Variants in LARGE1 observed in about 807,000 individuals in gnomAD.
LARGE1 encodes the protein xylosyl- and glucuronyltransferase LARGE1.
A neutral mutation model predicts 87.6 loss-of-function variants in LARGE1; 43 were observed. That is an observed-to-expected ratio of 0.49 (90% CI 0.38 to 0.63). The LOEUF (loss-of-function observed/expected upper bound fraction) is 0.63, where lower values mean the gene tolerates loss of function less well. LARGE1 is among the 30% of genes least tolerant of loss of function. The probability of loss-of-function intolerance (pLI) is 0.00; values close to 1 mark genes in which losing one functional copy is unlikely to be tolerated. For synonymous variants in LARGE1, 434 were observed against 394.6 expected, an observed-to-expected ratio of 1.10 and a Z score of -1.18; for missense variants, 802 against 1,000.2, an observed-to-expected ratio of 0.80 and a Z score of 2.67.
At chr22:33,630,125 G>T (rs1200325269) in intron 3 of LARGE1, among the ~76,000 whole-genome samples, 2 of 152,068 alleles carry the variant, frequency 1.3e-5, no homozygotes, top group Non-Finnish European at 2.9e-5. Context: ...CTTGAACCTG[G>T]GAGGCAGAGG....
chr22:33,606,214 G>C (rs1460198849), intron 4 of LARGE1, among the ~76,000 whole-genome samples: 1 of 152,040 alleles, frequency 6.6e-6, no homozygotes, highest in Admixed American at 6.6e-5. Flanking sequence ...GACCATCCTG[G>C]GTAACACAGT....
chr22:33,257,623 G>A (rs867813639), intron 11 of LARGE1, among the ~76,000 whole-genome samples: 2 of 152,040 alleles, frequency 1.3e-5, no homozygotes, highest in Non-Finnish European at 2.9e-5. Flanking sequence ...AGCCCTTAAC[G>A]GGATAGGAGC....
chr22:33,625,044 T>C (rs2079878624), intron 4 of LARGE1, among the ~76,000 whole-genome samples: 1 of 152,232 alleles, frequency 6.6e-6, no homozygotes, highest in African/African-American at 2.4e-5. Context: ...TCTTTGTTTA[T>C]GCCATTGACA....
chr22:33,173,660 G>C (rs1477898262), intron 11 of LARGE1, among the ~76,000 whole-genome samples: 3 of 140,554 alleles, frequency 2.1e-5, no homozygotes, highest in African/African-American at 8.3e-5. Context: ...TGAGCAAATA[G>C]AAAGAAAAAA....
At chr22:33,558,754 T>G (rs1353162437) in intron 6 of LARGE1, among the ~76,000 whole-genome samples, 1 of 152,202 alleles carries the variant, frequency 6.6e-6, no homozygotes. Flanking sequence ...AAGCATAAAA[T>G]TTCTACAAAT....
chr22:33,895,051 T>C (rs1441140958), intron 1 of LARGE1, among the ~76,000 whole-genome samples: 1 of 151,896 alleles, frequency 6.6e-6, no homozygotes, highest in East Asian at 1.9e-4. Flanking sequence ...ATGAGCCTTA[T>C]ATTGGAGAGG....
At chr22:33,297,132 A>G (rs140659898) in intron 12 of LARGE1, among the ~76,000 whole-genome samples, 1 of 152,164 alleles carries the variant, frequency 6.6e-6, no homozygotes, top group South Asian at 2.1e-4. Flanking sequence ...TGCCACCTCT[A>G]CCTGGCTTTG....
intron 7 of LARGE1, among the ~76,000 whole-genome samples, chr22:33,394,375 T>C (rs537859380): frequency 6.6e-6 from 1 of 152,214 alleles, no homozygotes; most frequent in African/African-American, 2.4e-5. Context: ...ATTTTTTGTA[T>C]TTTTAGTAGA....
intron 6 of LARGE1, among the ~76,000 whole-genome samples, chr22:33,528,715 C>T (rs143867552): frequency 3.9e-5 from 6 of 152,146 alleles, no homozygotes; most frequent in African/African-American, 4.8e-5. Context: ...GAAAGCCTAA[C>T]GGTGGTTAGC....
At chr22:33,389,342 T>TTTTAACCA (rs2065435471) in intron 7 of LARGE1, among the ~76,000 whole-genome samples, 1 of 152,180 alleles carries the variant, frequency 6.6e-6, no homozygotes, top group African/African-American at 2.4e-5. Flanking sequence ...TAAAACCCAC[T>TTTTAACCA]GGGAGTTAAG....
chr22:33,334,733 G>C (rs1377373526), intron 10 of LARGE1, among the ~76,000 whole-genome samples: 2 of 152,148 alleles, frequency 1.3e-5, no homozygotes, highest in African/African-American at 4.8e-5. Context: ...CTCATTCATG[G>C]GCCTCCTGGG....
chr22:33,441,177 G>A (rs886992956), intron 6 of LARGE1, among the ~76,000 whole-genome samples: 35 of 147,052 alleles, frequency 2.4e-4, no homozygotes, highest in African/African-American at 8.4e-4. Flanking sequence ...CAGTTCAAGC[G>A]ATTCTCCTGT....
intron 2 of LARGE1, among the ~76,000 whole-genome samples, chr22:33,702,993 C>A (rs1006394827): frequency 6.6e-6 from 1 of 152,120 alleles, no homozygotes; most frequent in Non-Finnish European, 1.5e-5. Context: ...CCAGGAAGTG[C>A]AAACACCAGG....
chr22:33,156,989 G>A, the LARGE1 span, among the ~76,000 whole-genome samples: 1 of 152,180 alleles, frequency 6.6e-6, no homozygotes, highest in Non-Finnish European at 1.5e-5. Context: ...GCCACCATGT[G>A]AGACACGCCT....
intron 1 of LARGE1, among the ~76,000 whole-genome samples, chr22:33,910,883 G>A (rs764333012): frequency 1.3e-5 from 2 of 152,204 alleles, no homozygotes; most frequent in Non-Finnish European, 2.9e-5. Context: ...AGGAAATACA[G>A]CGAGGTCAGA....
At chr22:33,649,660 C>T (rs796793077) in intron 3 of LARGE1, among the ~76,000 whole-genome samples, 4 of 152,284 alleles carry the variant, frequency 2.6e-5, no homozygotes, top group African/African-American at 9.6e-5. Flanking sequence ...TTCAGTCTCG[C>T]CCATCTCTCA....
intron 1 of LARGE1, among the ~76,000 whole-genome samples, chr22:33,788,455 A>C (rs78325348): frequency 2.8e-4 from 43 of 152,220 alleles, no homozygotes; most frequent in African/African-American, 9.2e-4. Flanking sequence ...TACCCAAAAA[A>C]TGTGGAAGGA....
At chr22:33,240,075 C>A (rs892180358) in intron 11 of LARGE1, among the ~76,000 whole-genome samples, 5 of 152,166 alleles carry the variant, frequency 3.3e-5, no homozygotes, top group Non-Finnish European at 7.3e-5. Flanking sequence ...AACTGCCAAA[C>A]CTTTATTCAT....
chr22:33,844,079 CAAAAAAA>C (rs34588361), intron 1 of LARGE1, among the ~76,000 whole-genome samples: 2 of 122,838 alleles, frequency 1.6e-5, no homozygotes, highest in African/African-American at 6.5e-5. Context: ...AACTCCGTCT[CAAAAAAA>C]AAAAAAAAAG....
Sources: allele counts gnomAD v4.1 joint callset (sites outside exome capture counted in the v4.1 genomes callset), GRCh38; gene constraint gnomAD v4.1.1; transcripts MANE v1.5; gene names NCBI Gene and HGNC (gene_info 2026-07-23, HGNC 2026-07-21).